Variants in TXN2 observed in about 807,000 individuals in gnomAD.
TXN2 encodes the protein thioredoxin, mitochondrial.
A neutral mutation model predicts 14.6 loss-of-function variants in TXN2; 12 were observed. The observed-to-expected ratio is 0.82, with a 90% CI of 0.53 to 1.33. The LOEUF is 1.33. TXN2 is among the 40% of genes most tolerant of loss of function. The pLI, the probability that TXN2 is intolerant of heterozygous loss-of-function variation, is 0.00. For missense variants in TXN2, 173 were observed against 207.7 expected, an observed-to-expected ratio of 0.83 and a Z score of 1.03; for synonymous variants, 89 against 81.0, an observed-to-expected ratio of 1.10 and a Z score of -0.53.
At chr22:36,478,156 AGAAAGT>A (rs773502934) in intron 2 of TXN2, among the ~76,000 whole-genome samples, 5 of 144,752 alleles carry the variant, frequency 3.5e-5, no homozygotes, top group Non-Finnish European at 6.1e-5. Context: ...AAAAAAAAAG[AGAAAGT>A]GTTTTATTTC....
Position 36,467,609 on chromosome 22 carries a change from C to A in TXN2, c.*195G>T. 1.7e-6 allele frequency: 1 copy of A among 579,570 alleles called. No individual in the cohort carries two copies. Among genetic ancestry groups the A allele is most frequent in the South Asian group, 2.0e-5 (1 of 51,092 alleles). 35.9% of individuals were successfully genotyped at this position (579,570 alleles called of 1,614,324 possible). On this transcript the variant is annotated 3_prime_UTR_variant, in exon 4 of 4. Coordinates refer to ENST00000216185, the MANE Select transcript of TXN2 (RefSeq NM_012473.4). ...GGAGGGAAGACAGCGGTCCCCGGAT[C>A]AGCAGCAGCACCACCATCCTCTGAT...
intron 3 of TXN2, among the ~76,000 whole-genome samples, chr22:36,469,599 T>C (rs1260193696): frequency 6.6e-6 from 1 of 152,148 alleles, no homozygotes; most frequent in African/African-American, 2.4e-5. Flanking sequence ...ACTGGCATTG[T>C]GAGGTCTCTG....
chr22:36,478,467 A>G (rs1018050573), intron 2 of TXN2, among the ~76,000 whole-genome samples: 4 of 152,214 alleles, frequency 2.6e-5, no homozygotes, highest in African/African-American at 9.6e-5. Context: ...CCCCTGGCTG[A>G]CAACTCCTAT....
chr22:36,472,302 G>A (rs1933296263), intron 3 of TXN2, among the ~76,000 whole-genome samples: 2 of 152,160 alleles, frequency 1.3e-5, no homozygotes, highest in South Asian at 4.1e-4. Context: ...GAGATGAACA[G>A]GCAGAGGAGA....
rs1183475598 is a variant in TXN2, at chr22:36,480,770, T to G, written c.68A>C (p.Gln23Pro). The part of the protein sequence containing the change: ...SVISRKPSQG[Q>P]WPPLTSRALQ... ...GGCTCTGGAAGTGAGGGGTGGCCACTGACCCTGAGAGGGCTTCCTGGAGAT... is the reference window on the plus strand; with the variant it reads ...GGCTCTGGAAGTGAGGGGTGGCCACGGACCCTGAGAGGGCTTCCTGGAGAT... Residue 23 changes from glutamine to proline, a missense_variant, in exon 2 of 4, where the codon CAG becomes CCG. Coordinates refer to ENST00000216185, the MANE Select transcript of TXN2 (RefSeq NM_012473.4). 7 of 1,613,370 alleles carry G rather than the reference T, an allele frequency of 4.3e-6. No individual in the cohort carries two copies. The Admixed American group carries it at 8.3e-5, about 19-fold the overall frequency.
rs1933179569 is a variant in TXN2, at chr22:36,467,286, C to T, written c.*518G>A. 6.4e-6 allele frequency: 1 copy of T among 156,546 alleles called. No individual in the cohort carries two copies. Among genetic ancestry groups the T allele is most frequent in the African/African-American group, 2.4e-5 (1 of 41,478 alleles). The allele number at this position is 156,546 out of a possible 1,614,324, so 9.7% of individuals were successfully genotyped here. On this transcript the variant is annotated 3_prime_UTR_variant, in exon 4 of 4. Coordinates refer to ENST00000216185, the MANE Select transcript of TXN2 (RefSeq NM_012473.4). Reference sequence around the variant, plus strand: ...TGTGGGACCCAGGGTCTGTTCTTCACAGTAGGAGGTGGAAGGGATGACTAA... The same window carrying T: ...TGTGGGACCCAGGGTCTGTTCTTCATAGTAGGAGGTGGAAGGGATGACTAA...
intron 3 of TXN2, among the ~76,000 whole-genome samples, chr22:36,471,778 G>A (rs992206606): frequency 5.9e-5 from 9 of 152,090 alleles, no homozygotes; most frequent in Non-Finnish European, 1.2e-4. Flanking sequence ...AGACAAGGCC[G>A]GCCAATGTGG....
At chr22:36,469,880 C>T (rs754020247) in intron 3 of TXN2, among the ~76,000 whole-genome samples, 1 of 152,082 alleles carries the variant, frequency 6.6e-6, no homozygotes, top group Non-Finnish European at 1.5e-5. Context: ...CGCTTGAACC[C>T]GGGAGGCAGA....
rs754527088 is a variant in TXN2, at chr22:36,480,671, C to A, written c.167G>T (p.Arg56Met). ...PNPARTIYTT[R>M]ISLTTFNIQD... ...GATATTAAAGGTTGTCAAGGAGATCCTCGTGGTGTATATTGTCCGGGCTGG... is the reference window on the plus strand; with the variant it reads ...GATATTAAAGGTTGTCAAGGAGATCATCGTGGTGTATATTGTCCGGGCTGG... Residue 56 changes from arginine to methionine, a missense_variant, in exon 2 of 4, where the codon AGG (arginine) becomes ATG (methionine). Coordinates refer to ENST00000216185, the MANE Select transcript of TXN2 (RefSeq NM_012473.4). 6.2e-7 allele frequency: 1 copy of A among 1,614,110 alleles called. No homozygotes were observed. The highest frequency in any genetic ancestry group is 8.5e-7 in the Non-Finnish European group (1 of 1,180,038).
At position 36,476,719 on chromosome 22, in the gene TXN2, C is replaced by T; in HGVS notation, c.387+14G>A. ...ATACTGGCTTCCCTGTGGCAACTCC[C>T]TGTCAATCCATACCTCATACTCAAT... On this transcript the variant is annotated intron_variant, in intron 3 of 3. Coordinates refer to ENST00000216185, the MANE Select transcript of TXN2 (RefSeq NM_012473.4). 1.9e-6 allele frequency: 3 copies of T among 1,614,140 alleles called. No individual in the cohort carries two copies. The highest frequency in any genetic ancestry group is 2.5e-6 in the Non-Finnish European group (3 of 1,180,000).
intron 3 of TXN2, among the ~76,000 whole-genome samples, 170 bp downstream of exon 3, chr22:36,476,563 G>C (rs1933390430): frequency 6.6e-6 from 1 of 151,866 alleles, no homozygotes. Flanking sequence ...TTGCACTCTA[G>C]CCCAGGTGAC....
At chr22:36,475,247 G>T (rs368858226) in intron 3 of TXN2, among the ~76,000 whole-genome samples, 51 of 152,176 alleles carry the variant, frequency 3.4e-4, no homozygotes, top group African/African-American at 1.2e-3. Context: ...GCGTGGTGGC[G>T]CGTGCCTGTA....
At chr22:36,472,457 T>C (rs982229250) in intron 3 of TXN2, among the ~76,000 whole-genome samples, 1 of 152,104 alleles carries the variant, frequency 6.6e-6, no homozygotes, top group African/African-American at 2.4e-5. Context: ...ATGATGTCCG[T>C]GTAGGTTCAT....
chr22:36,472,703 C>T (rs1299478831), intron 3 of TXN2, among the ~76,000 whole-genome samples: 1 of 152,110 alleles, frequency 6.6e-6, no homozygotes, highest in Non-Finnish European at 1.5e-5. Context: ...AGGTGAACTG[C>T]TGGAAAACAG....
chr22:36,468,062 C>T (rs1024077994), intron 3 of TXN2, 145 bp from the exon 4 acceptor site: 2 of 689,018 alleles, frequency 2.9e-6, no homozygotes, highest in Admixed American at 4.6e-5. Context: ...GAACATGGCT[C>T]TTCTCTCGGT....
At chr22:36,469,682 G>A (rs545958188) in intron 3 of TXN2, among the ~76,000 whole-genome samples, 6 of 152,342 alleles carry the variant, frequency 3.9e-5, no homozygotes, top group South Asian at 4.1e-4. Flanking sequence ...TAGGCCGGTC[G>A]CTGTGGCTCA....
At chr22:36,468,612 A>G (rs1933207690) in intron 3 of TXN2, 1 of 444,094 alleles carries the variant, frequency 2.3e-6, no homozygotes, top group African/African-American at 2.0e-5. Flanking sequence ...CTGTACTCCC[A>G]TACTCGGGAG....
At chr22:36,478,132 C>CA (rs778032940) in intron 2 of TXN2, among the ~76,000 whole-genome samples, 18,908 of 67,182 alleles carry the variant, frequency 0.28, 2,444 homozygotes, top group Non-Finnish European at 0.39. Context: ...GACTCTGTCT[C>CA]AAAAAAAAAA....
chr22:36,481,232 T>C (rs960573859), intron 1 of TXN2: 1 of 159,842 alleles, frequency 6.3e-6, no homozygotes, highest in Non-Finnish European at 1.4e-5. Flanking sequence ...AATACGAGGC[T>C]CAAGTAAGTT....
Sources: allele counts gnomAD v4.1 joint callset (sites outside exome capture counted in the v4.1 genomes callset), GRCh38; gene constraint gnomAD v4.1.1; transcripts MANE v1.5; gene names NCBI Gene and HGNC (gene_info 2026-07-23, HGNC 2026-07-21).